ZNF648: variants seen among roughly 807,000 people sequenced by gnomAD.
ZNF648 encodes the protein zinc finger protein 648.
ZNF648 carries 1 observed loss-of-function variant against 0.3 expected under a neutral mutation model. The ratio of observed to expected loss-of-function variants is 3.90; its 90% CI spans 1.39 to 18.51. ZNF648 has a LOEUF of 18.51. Ranked by LOEUF, ZNF648 falls within the 30% of genes most tolerant of loss-of-function variation. ZNF648 has a pLI of 0.11. For missense variants in ZNF648, 874 were observed against 769.7 expected, an observed-to-expected ratio of 1.14 and a Z score of -1.60; for synonymous variants, 376 against 326.8, an observed-to-expected ratio of 1.15 and a Z score of -1.62.
At chr1:182,061,913 C>T (rs1666037276), upstream of ZNF648, among the ~76,000 whole-genome samples, 1 of 152,232 alleles carries the variant, frequency 6.6e-6, no homozygotes, top group Admixed American at 6.5e-5. Flanking sequence ...GGCCCTATGC[C>T]TCTTGTTCAC....
At position 182,061,405 on chromosome 1, in the gene ZNF648, C is replaced by T. The variant is rs569813877; in HGVS notation, c.-64+163G>A. ...CCATCAACACTCTGCAGAAGCCTAC[C>T]CTAAGGGCTTGTTGCAACCCCAGCC... On this transcript the variant is annotated intron_variant, in intron 1 of 1. Transcript: ENST00000339948. Among the ~76,000 whole-genome samples, 10 of 152,334 alleles carry T rather than the reference C, an allele frequency of 6.6e-5. No individual in the cohort carries two copies. The South Asian group carries it at 2.1e-3, about 32-fold the overall frequency.
chr1:182,058,549 A>G (rs1366832197), intron 1 of ZNF648, among the ~76,000 whole-genome samples: 1 of 151,980 alleles, frequency 6.6e-6, no homozygotes, highest in Non-Finnish European at 1.5e-5. Flanking sequence ...GGTGTCAGCT[A>G]GGGTTACCTC....
rs1478547247 is a variant in ZNF648, at chr1:182,056,801, C to T, written c.1210G>A (p.Ala404Thr). 3.2e-6 allele frequency: 5 copies of T among 1,544,236 alleles called. No individual in the cohort carries two copies. Among genetic ancestry groups the T allele is most frequent in the Non-Finnish European group, 4.4e-6 (5 of 1,146,030 alleles). The stretch of plus-strand genomic sequence containing the variant: ...CGCTGGTGCTCCACCATGCGGCTGG[C>T]CACAGCGAACTCCCGGTCGCAGGCG... Reference protein sequence around the residue: ...CPACDREFAVASRMVEHQRVH... With the variant: ...CPACDREFAVTSRMVEHQRVH... The change falls in exon 2 of 2, where the codon GCC becomes ACC. Residue 404 changes from alanine (A) to threonine (T), a missense_variant. Physicochemically the swap from Ala to Thr is moderately conservative, Grantham distance 58. Transcript: ENST00000339948.
At chr1:182,059,374 A>G (rs1394476530) in intron 1 of ZNF648, among the ~76,000 whole-genome samples, 2 of 152,156 alleles carry the variant, frequency 1.3e-5, no homozygotes, top group Non-Finnish European at 2.9e-5. Flanking sequence ...ATTGGTTAAC[A>G]AGGATTGGAT....
At chr1:182,066,983 C>G in the ZNF648 span, among the ~76,000 whole-genome samples, 4 of 152,172 alleles carry the variant, frequency 2.6e-5, no homozygotes, top group Non-Finnish European at 4.4e-5. Context: ...GACCAAGCAG[C>G]CTTTTTTGAG....
chr1:182,056,312 C>A lies in ZNF648; in HGVS notation c.1699G>T (p.Asp567Tyr), dbSNP rs1489666804. ...GGTCGACGATGCTATCTTCACTCGT[C>A]AGAGGAGGAAGGGATGGGCTCCTTC... ...CKKEPIPSSS[D>Y]E The change falls in exon 2 of 2, where the codon GAC becomes TAC. Residue 567 changes from aspartate (D) to tyrosine (Y), a missense_variant. By Grantham distance (160) the Asp-to-Tyr change is radical. Coordinates refer to ENST00000339948, the MANE Select transcript of ZNF648 (RefSeq NM_001009992.1). 1 of 1,610,120 alleles carries A rather than the reference C, an allele frequency of 6.2e-7. No homozygotes were observed. The highest frequency in any genetic ancestry group is 2.2e-5 in the East Asian group (1 of 44,816).
chr1:182,067,051 C>T, the ZNF648 span, among the ~76,000 whole-genome samples: 2 of 152,196 alleles, frequency 1.3e-5, no homozygotes, highest in Non-Finnish European at 2.9e-5. Flanking sequence ...TCGCGTGCTA[C>T]ACTTGGCACA....
chr1:182,065,981 G>A (rs934899294), upstream of ZNF648, among the ~76,000 whole-genome samples: 1 of 152,162 alleles, frequency 6.6e-6, no homozygotes, highest in African/African-American at 2.4e-5. Flanking sequence ...AGAGCGGAAG[G>A]CCCTTTCCCT....
chr1:182,056,372 G>A lies in ZNF648; in HGVS notation c.1639C>T (p.Leu547Phe). The A allele has an allele frequency of 6.2e-7, 1 of 1,614,182 alleles. No homozygotes were observed. Among genetic ancestry groups the A allele is most frequent in the Non-Finnish European group, 8.5e-7 (1 of 1,180,026 alleles). ...CCGTGCTTGGCTCGGTGTCGTTGGA[G>A]GTGATTGGACCTGGTGAAGGCCTGG... ...CGQAFTRSNH[L>F]QRHRAKHGTC... The change falls in exon 2 of 2, where the codon CTC becomes TTC. Residue 547 changes from leucine (L) to phenylalanine (F), a missense_variant. By Grantham distance (22) the Leu-to-Phe change is conservative. Coordinates refer to ENST00000339948, the MANE Select transcript of ZNF648 (RefSeq NM_001009992.1).
Position 182,057,029 on chromosome 1 carries a change from T to A in ZNF648, c.982A>T (p.Thr328Ser). Residue 328 changes from threonine (T) to serine (S), a missense_variant, in exon 2 of 2, where the codon ACC becomes TCC. Transcript: ENST00000339948. The stretch of plus-strand genomic sequence containing the variant: ...GGGTAGGGTTTCTCGCCTGTGTGGG[T>A]GCGGATGTGCTTCCGGTGGTCGGAG... ...WSSDHRKHIR[T>S]HTGEKPYPCP... is the part of the protein sequence containing the mutation. 1 of 1,612,006 alleles carries A rather than the reference T, an allele frequency of 6.2e-7. No individual in the cohort carries two copies. Among genetic ancestry groups the A allele is most frequent in the Non-Finnish European group, 8.5e-7 (1 of 1,179,580 alleles).
Position 182,057,567 on chromosome 1 carries a change from A to C in ZNF648, c.444T>G (p.Gly148=). Residue 148 remains glycine (G), a synonymous_variant, in exon 2 of 2, where the codon GGT becomes GGG. Transcript: ENST00000339948. ...MQPLGDRLPA[G]DDGYSGANQD... The stretch of plus-strand genomic sequence containing the variant: ...GGTTTGCCCCCGAGTATCCATCATC[A>C]CCCGCAGGTAGTCGGTCCCCAAGAG... 1 of 1,614,094 alleles carries C rather than the reference A, an allele frequency of 6.2e-7. No homozygotes were observed. Among genetic ancestry groups the C allele is most frequent in the Non-Finnish European group, 8.5e-7 (1 of 1,180,020 alleles).
rs1405009570 is a variant in ZNF648, at chr1:182,057,295, C to T, written c.716G>A (p.Arg239Gln). Reference protein sequence around the residue: ...NSRKVQNQAGRREGGEAEARP... With the variant: ...NSRKVQNQAGQREGGEAEARP... ...CGCCTCAGCCTCTCCGCCCTCGCGC[C>T]GGCCCGCCTGGTTCTGTACTTTCCT... The change falls in exon 2 of 2, where the codon CGG (arginine) becomes CAG (glutamine). Residue 239 changes from arginine (R) to glutamine (Q), a missense_variant. By Grantham distance (43) the Arg-to-Gln change is conservative (BLOSUM62 1). Coordinates refer to ENST00000339948, the MANE Select transcript of ZNF648 (RefSeq NM_001009992.1). The T allele has an allele frequency of 1.9e-6, 3 of 1,598,610 alleles. No homozygotes were observed. Among genetic ancestry groups the T allele is most frequent in the Non-Finnish European group, 2.5e-6 (3 of 1,177,048 alleles).
At position 182,056,693 on chromosome 1, in the gene ZNF648, T is replaced by A. The variant is rs1472856536; in HGVS notation, c.1318A>T (p.Thr440Ser). ...AAAGGCCTCTGGCCGGTGTGCAGCG[T>A]CTGGTGCTCGGACAGATTGGAGGAC... is the stretch of plus-strand genomic sequence containing the variant. ...TKSSNLSEHQTLHTGQRPFKC... is the reference protein window; with the variant it reads ...TKSSNLSEHQSLHTGQRPFKC... Residue 440 changes from threonine (T) to serine (S), a missense_variant, in exon 2 of 2, where the codon ACG becomes TCG. Coordinates refer to ENST00000339948, the MANE Select transcript of ZNF648 (RefSeq NM_001009992.1). 1 of 1,600,830 alleles carries A rather than the reference T, an allele frequency of 6.2e-7. No individual in the cohort carries two copies. The highest frequency in any genetic ancestry group is 1.7e-5 in the Admixed American group (1 of 57,902).
chr1:182,056,300 A>G lies in ZNF648; in HGVS notation c.*4T>C, dbSNP rs1341027787. 3 of 1,603,258 alleles carry G rather than the reference A, an allele frequency of 1.9e-6. No individual in the cohort carries two copies. Among genetic ancestry groups the G allele is most frequent in the South Asian group, 1.1e-5 (1 of 89,648 alleles). On this transcript the variant is annotated 3_prime_UTR_variant, in exon 2 of 2. Transcript: ENST00000339948. ...TCCAAGTAGTGAGGTCGACGATGCT[A>G]TCTTCACTCGTCAGAGGAGGAAGGG...
Position 182,056,413 on chromosome 1 carries a change from T to C in ZNF648, c.1598A>G (p.Gln533Arg). Reference sequence around the variant, plus strand: ...GAAGGCCTGGCCGCAGTCCTCACACTGGTAGGGCCTCTCTCCGTTGTGCAT... The same window carrying C: ...GAAGGCCTGGCCGCAGTCCTCACACCGGTAGGGCCTCTCTCCGTTGTGCAT... Reference protein sequence around the residue: ...IRMHNGERPYQCEDCGQAFTR... With the variant: ...IRMHNGERPYRCEDCGQAFTR... Residue 533 changes from glutamine to arginine, a missense_variant, in exon 2 of 2, where the codon CAG (glutamine) becomes CGG (arginine). Transcript: ENST00000339948. 3.7e-6 allele frequency: 6 copies of C among 1,614,110 alleles called. No homozygotes were observed. Among genetic ancestry groups the C allele is most frequent in the South Asian group, 1.1e-5 (1 of 91,070 alleles).
the ZNF648 span, chr1:182,068,283 AT>A: frequency 2.6e-5 from 4 of 152,216 alleles, no homozygotes; most frequent in East Asian, 7.7e-4. Flanking sequence ...AGATTGAAGT[AT>A]TCATTTATTT....
At position 182,057,959 on chromosome 1, in the gene ZNF648, T is replaced by A; in HGVS notation, c.52A>T (p.Ser18Cys). The change falls in exon 2 of 2, where the codon AGC becomes TGC. Residue 18 changes from serine to cysteine, a missense_variant. Physicochemically the swap from Ser to Cys is moderately radical, Grantham distance 112 (BLOSUM62 -1). Coordinates refer to ENST00000339948, the MANE Select transcript of ZNF648 (RefSeq NM_001009992.1). ...DRWGEASPLS[S>C]LTEEAHDTQM... Reference sequence around the variant, plus strand: ...GTGTCATGAGCTTCCTCAGTCAAGCTGCTGAGAGGAGACGCCTCTCCCCAC... The same window carrying A: ...GTGTCATGAGCTTCCTCAGTCAAGCAGCTGAGAGGAGACGCCTCTCCCCAC... The A allele has an allele frequency of 6.2e-7, 1 of 1,613,922 alleles. No individual in the cohort carries two copies. The highest frequency in any genetic ancestry group is 8.5e-7 in the Non-Finnish European group (1 of 1,179,960).
At chr1:182,065,664 C>T (rs1666089212), upstream of ZNF648, among the ~76,000 whole-genome samples, 1 of 152,174 alleles carries the variant, frequency 6.6e-6, no homozygotes, top group African/African-American at 2.4e-5. Context: ...TACACAAGCC[C>T]CTTATCTCCC....
upstream of ZNF648, among the ~76,000 whole-genome samples, chr1:182,065,815 C>T (rs1383207635): frequency 1.3e-5 from 2 of 152,220 alleles, no homozygotes; most frequent in Non-Finnish European, 2.9e-5. Flanking sequence ...ATCTGAATCC[C>T]AGGTCTTGCC....
Sources: gnomAD v4.1 joint callset for allele counts (sites outside exome capture counted in the v4.1 genomes callset) on GRCh38, gnomAD v4.1.1 for gene constraint, MANE v1.5 for transcripts, NCBI Gene and HGNC (gene_info 2026-07-23, HGNC 2026-07-21) for gene names.